Variants in RUNX3 observed in about 807,000 individuals in gnomAD.
RUNX3 encodes runt-related transcription factor 3.
A neutral mutation model predicts 27.7 loss-of-function variants in RUNX3; 10 were observed. The observed-to-expected ratio is 0.36, with a 90% CI of 0.22 to 0.61. The LOEUF is 0.61. RUNX3 is among the 20% of genes least tolerant of loss of function. The pLI, the probability that RUNX3 is intolerant of heterozygous loss-of-function variation, is 0.72. For synonymous variants in RUNX3, 270 were observed against 269.2 expected, an observed-to-expected ratio of 1.00 and a Z score of -0.03; for missense variants, 469 against 629.5, an observed-to-expected ratio of 0.75 and a Z score of 2.73.
chr1:24,961,556 G>A (rs982687178), intron 2 of RUNX3: 1 of 152,258 alleles, frequency 6.6e-6, no homozygotes, highest in African/African-American at 2.4e-5. Flanking sequence ...ACAGCACACA[G>A]GCGGCAGAGG....
At chr1:24,912,617 G>A (rs1046788605) in intron 3 of RUNX3, among the ~76,000 whole-genome samples, 3 of 152,012 alleles carry the variant, frequency 2.0e-5, no homozygotes, top group South Asian at 2.1e-4. Flanking sequence ...CTTCCTCCAC[G>A]GCAGCGTCTA....
chr1:24,941,907 C>A (rs1338730295), intron 2 of RUNX3, among the ~76,000 whole-genome samples: 1 of 152,210 alleles, frequency 6.6e-6, no homozygotes, highest in East Asian at 1.9e-4. Flanking sequence ...ACTGGGCACT[C>A]TGTCATTTGC....
chr1:24,920,564 T>C (rs1023595215), intron 2 of RUNX3, among the ~76,000 whole-genome samples: 2 of 152,224 alleles, frequency 1.3e-5, no homozygotes, highest in Non-Finnish European at 2.9e-5. Context: ...CCAACACAAA[T>C]TACTGCTTCA....
chr1:24,956,251 G>T (rs1363544939), intron 2 of RUNX3, among the ~76,000 whole-genome samples: 1 of 152,252 alleles, frequency 6.6e-6, no homozygotes, highest in East Asian at 1.9e-4. Flanking sequence ...GTTCCTGGGA[G>T]GGTGGGACTG....
At chr1:24,941,379 G>A (rs1404055745) in intron 2 of RUNX3, among the ~76,000 whole-genome samples, 2 of 152,184 alleles carry the variant, frequency 1.3e-5, no homozygotes, top group African/African-American at 4.8e-5. Flanking sequence ...CCTCACCCGA[G>A]GAGCCAGGCC....
At chr1:24,903,356 G>A (rs796526574) in intron 4 of RUNX3, among the ~76,000 whole-genome samples, 4 of 152,284 alleles carry the variant, frequency 2.6e-5, no homozygotes, top group African/African-American at 9.6e-5. Flanking sequence ...TGTGTCTCTG[G>A]AGCCGACTCG....
intron 3 of RUNX3, among the ~76,000 whole-genome samples, chr1:24,915,336 A>C (rs1341195678): frequency 6.6e-6 from 1 of 152,198 alleles, no homozygotes; most frequent in Non-Finnish European, 1.5e-5. Context: ...AGGCAAGAGA[A>C]TCTCCTGAAC....
chr1:24,952,901 A>G (rs1424247790), intron 2 of RUNX3, among the ~76,000 whole-genome samples: 5 of 152,172 alleles, frequency 3.3e-5, no homozygotes, highest in Non-Finnish European at 7.4e-5. Flanking sequence ...AATAGATCCT[A>G]TTCTAACAGG....
At chr1:24,939,474 G>T (rs1641425518) in intron 2 of RUNX3, among the ~76,000 whole-genome samples, 1 of 152,246 alleles carries the variant, frequency 6.6e-6, no homozygotes, top group Non-Finnish European at 1.5e-5. Flanking sequence ...CCCATTATAT[G>T]AGTGGTGTGG....
chr1:24,934,107 A>T (rs762213731), upstream of RUNX3, among the ~76,000 whole-genome samples: 1 of 152,010 alleles, frequency 6.6e-6, no homozygotes, highest in Non-Finnish European at 1.5e-5. Context: ...GTGATTGATG[A>T]TCGATTGTTT....
In RUNX3 at chr1:24,922,782, CAAAAAAAAAAA is replaced by C. The variant is rs57671911; in HGVS notation, c.440-3449_440-3439del. Among the ~76,000 whole-genome samples, 120 of 21,562 alleles carry C rather than the reference CAAAAAAAAAAA, an allele frequency of 5.6e-3. 1 individual carries two copies. The highest frequency in any genetic ancestry group is 0.012 in the African/African-American group (112 of 9,632). The allele number at this position is 21,562 out of a possible 152,430, so 14.1% of individuals were successfully genotyped here. ...CCAGCTATCAGAGGGGCCCACAGGGCAAAAAAAAAAAAAAAAAAAAAAAAAGCGCTAAGCAG... is the reference window on the plus strand; with the variant it reads ...CCAGCTATCAGAGGGGCCCACAGGGCAAAAAAAAAAAAAAGCGCTAAGCAG... On this transcript the variant is annotated intron_variant, in intron 2 of 4. Transcript: ENST00000308873.
intron 2 of RUNX3, among the ~76,000 whole-genome samples, chr1:24,947,692 G>T (rs1037023476): frequency 6.6e-6 from 1 of 152,188 alleles, no homozygotes; most frequent in Non-Finnish European, 1.5e-5. Context: ...TAGGCCCCTG[G>T]GGACGCTCCC....
Position 24,929,933 on chromosome 1 carries a change from C to A in RUNX3, c.-65G>T. On this transcript the variant is annotated 5_prime_UTR_variant, in exon 1 of 5. Coordinates refer to ENST00000308873, the MANE Select transcript of RUNX3 (RefSeq NM_004350.3). ...CGGCTTCCCCCGGGGGCGGCCGGCG[C>A]GGGCGCCTCCTCGGCCGCCGCTGCC... The A allele has an allele frequency of 8.2e-7, 1 of 1,219,988 alleles. No homozygotes were observed. The highest frequency in any genetic ancestry group is 1.0e-6 in the Non-Finnish European group (1 of 981,848). The allele number at this position is 1,219,988 out of a possible 1,614,324, so 75.6% of individuals were successfully genotyped here. A position where few individuals can be genotyped will look rare whatever the true frequency, so the allele number is the denominator to read the frequency against.
chr1:24,908,176 A>ACCTCTAC (rs1451847240), intron 3 of RUNX3, among the ~76,000 whole-genome samples: 2 of 133,894 alleles, frequency 1.5e-5, no homozygotes, highest in African/African-American at 3.2e-5. Flanking sequence ...GGTGATCCGA[A>ACCTCTAC]GCTCTACGAC....
rs1427480152 is a variant in RUNX3, at chr1:24,916,070, A to G, written c.544+3170T>C. Among the ~76,000 whole-genome samples, 1 of 152,144 alleles carries G rather than the reference A, an allele frequency of 6.6e-6. No homozygotes were observed. Among genetic ancestry groups the G allele is most frequent in the African/African-American group, 2.4e-5 (1 of 41,420 alleles). On this transcript the variant is annotated intron_variant, in intron 3 of 4. Coordinates refer to ENST00000308873, the MANE Select transcript of RUNX3 (RefSeq NM_004350.3). The surrounding 1 kb of genome is among the most constrained non-coding windows in gnomAD (Gnocchi z 4.8). ...CAGAGGGGAACGACCCGGCCACAGA[A>G]CCCACAGCCGGCCTCAGGGATCTAC... is the stretch of plus-strand genomic sequence containing the variant.
In RUNX3 at chr1:24,961,436, G is replaced by T. The variant is rs991508211; in HGVS notation, c.58+3078C>A. 25 of 152,394 alleles carry T rather than the reference G, an allele frequency of 1.6e-4. No individual in the cohort carries two copies. In the East Asian group the frequency reaches 4.2e-3, roughly 26 times the overall value. The allele number at this position is 152,394 out of a possible 1,614,324, so 9.4% of individuals were successfully genotyped here. A position where few individuals can be genotyped will look rare whatever the true frequency, so the allele number is the denominator to read the frequency against. On this transcript the variant is annotated intron_variant, in intron 2 of 6. Coordinates refer to the RUNX3 transcript ENST00000338888. ...TAGGGACCACCCTGGGTTGTCAGGT[G>T]GGGGAGACAGAGAAGCCCACATAGG...
intron 2 of RUNX3, among the ~76,000 whole-genome samples, chr1:24,920,769 G>A (rs1381746167): frequency 6.6e-6 from 1 of 152,024 alleles, no homozygotes; most frequent in Admixed American, 6.5e-5. Context: ...ATGTTCAGAC[G>A]GGTTTCTCCG....
At chr1:24,913,126 G>A (rs917953279) in intron 3 of RUNX3, among the ~76,000 whole-genome samples, 1 of 152,214 alleles carries the variant, frequency 6.6e-6, no homozygotes, top group Non-Finnish European at 1.5e-5. Context: ...TGAGGGTGCC[G>A]ATGAGCTGGA....
At chr1:24,948,365 A>C (rs976865454) in intron 2 of RUNX3, among the ~76,000 whole-genome samples, 9 of 152,152 alleles carry the variant, frequency 5.9e-5, no homozygotes, top group African/African-American at 1.7e-4. Context: ...GTGTGTGTTC[A>C]CATGCACATG....
Sources: allele counts gnomAD v4.1 joint callset (sites outside exome capture counted in the v4.1 genomes callset), GRCh38; gene constraint gnomAD v4.1.1; non-coding constraint Gnocchi (gnomAD v3.1); transcripts MANE v1.5; gene names NCBI Gene and HGNC (gene_info 2026-07-23, HGNC 2026-07-21).